FAM107A: variants seen among roughly 807,000 people sequenced by gnomAD.
FAM107A encodes actin-associated protein FAM107A.
In FAM107A, 19 loss-of-function variants were observed where a neutral mutation model predicts 13.7. The ratio of observed to expected loss-of-function variants is 1.38; its 90% CI spans 0.97 to 2.03. The LOEUF (loss-of-function observed/expected upper bound fraction) is 2.03, where lower values mean the gene tolerates loss of function less well. Among genes scored for constraint, FAM107A ranks in the 30% most tolerant of loss-of-function variants. The pLI is 0.00. For missense variants in FAM107A, 203 were observed against 184.4 expected (o/e 1.10, Z -0.58); for synonymous variants, 82 against 74.5 (o/e 1.10, Z -0.52).
intron 1 of FAM107A, among the ~76,000 whole-genome samples, chr3:58,625,680 G>A (rs556316618): frequency 1.3e-5 from 2 of 152,268 alleles, no homozygotes; most frequent in South Asian, 4.1e-4. Flanking sequence ...TACTCCCTTT[G>A]CCTCTTCCTC....
upstream of FAM107A, chr3:58,577,797 G>C (rs2063743088): frequency 1.1e-6 from 1 of 909,202 alleles, no homozygotes; most frequent in Non-Finnish European, 1.3e-6. The surrounding 1 kb of genome is among the most constrained non-coding windows in gnomAD (Gnocchi z 4.9). Context: ...AATGGCTCTG[G>C]GGGGAAAAGG....
intron 1 of FAM107A, chr3:58,627,123 C>T (rs1331744618): frequency 2.3e-6 from 2 of 884,238 alleles, no homozygotes; most frequent in Non-Finnish European, 3.5e-6. Flanking sequence ...TCTTGCGGCT[C>T]ATTCTCCCAG....
chr3:58,610,061 G>A (rs1483167030), intron 1 of FAM107A, among the ~76,000 whole-genome samples: 1 of 152,186 alleles, frequency 6.6e-6, no homozygotes, highest in Non-Finnish European at 1.5e-5. Flanking sequence ...TCTGGAGACT[G>A]ATTTGTAATG....
chr3:58,574,074 C>A (rs910624907), intron 1 of FAM107A: 3 of 152,204 alleles, frequency 2.0e-5, no homozygotes, highest in African/African-American at 7.2e-5. Context: ...TGGTTGGGTA[C>A]CTCACAGCAA....
chr3:58,567,030 G>A (rs1005808876), intron 3 of FAM107A, 178 bp downstream of exon 3: 29 of 721,362 alleles, frequency 4.0e-5, no homozygotes, highest in Non-Finnish European at 6.5e-5. Flanking sequence ...GAAGCCACTC[G>A]CCCTAAGGAC....
At chr3:58,615,280 G>A in intron 1 of FAM107A, among the ~76,000 whole-genome samples, 1 of 151,890 alleles carries the variant, frequency 6.6e-6, no homozygotes, top group East Asian at 1.9e-4. Flanking sequence ...ACATTCTTTG[G>A]ATTGTTTCTG....
In FAM107A at chr3:58,584,082, C is replaced by G. The variant is rs182930976; in HGVS notation, c.79+2776G>C. The stretch of plus-strand genomic sequence containing the variant: ...CATGGCCAAATTGGCTCCTTACTCC[C>G]ATTCTCACTTCCTGCCGCTCCCTGT... On this transcript the variant is annotated intron_variant, in intron 1 of 3. Transcript: ENST00000447756. 3.4e-3 allele frequency among the ~76,000 whole-genome samples: 512 copies of G among 152,298 alleles called. 6 individuals carry two copies. Among genetic ancestry groups the G allele is most frequent in the African/African-American group, 0.012 (484 of 41,560 alleles).
chr3:58,582,204 A>G (rs1335971324), upstream of FAM107A, among the ~76,000 whole-genome samples: 3 of 152,240 alleles, frequency 2.0e-5, no homozygotes, highest in African/African-American at 7.2e-5. Context: ...TTTTTAGTAT[A>G]GTCCATGACA....
At chr3:58,578,785 C>G (rs1355479511), upstream of FAM107A, among the ~76,000 whole-genome samples, 1 of 152,168 alleles carries the variant, frequency 6.6e-6, no homozygotes, top group Non-Finnish European at 1.5e-5. Flanking sequence ...GGCCTCCACC[C>G]CAACTTTACT....
rs1478633796 is a variant in FAM107A at position 58,625,516 on chromosome 3, T to G, written c.-70+1900A>C. On this transcript the variant is annotated intron_variant, in intron 1 of 3. Coordinates refer to the FAM107A transcript ENST00000465970. ...GAGGGCTGAAAACTCCACCCTCAGA[T>G]CACACTAAGGCCAACATTTTTTTGT... Among the ~76,000 whole-genome samples, 4 of 152,200 alleles carry G rather than the reference T, an allele frequency of 2.6e-5. No homozygotes were observed. The East Asian group carries it at 7.7e-4, about 29-fold the overall frequency.
intron 1 of FAM107A, among the ~76,000 whole-genome samples, chr3:58,599,432 G>C (rs543827151): frequency 6.6e-6 from 1 of 152,298 alleles, no homozygotes; most frequent in East Asian, 1.9e-4. Flanking sequence ...TTCCATACTT[G>C]CCATCCGTGC....
intron 1 of FAM107A, among the ~76,000 whole-genome samples, chr3:58,593,010 A>G (rs1232563216): frequency 6.6e-6 from 1 of 152,142 alleles, no homozygotes; most frequent in Non-Finnish European, 1.5e-5. Context: ...TCAGTTCTTA[A>G]GAATCTGACC....
chr3:58,606,059 T>A (rs2065791876), intron 1 of FAM107A, among the ~76,000 whole-genome samples: 1 of 152,200 alleles, frequency 6.6e-6, no homozygotes, highest in Non-Finnish European at 1.5e-5. Flanking sequence ...GTCTGGGAGG[T>A]CATTGCTCTT....
At chr3:58,602,589 T>A (rs1442168815) in intron 1 of FAM107A, among the ~76,000 whole-genome samples, 1 of 152,220 alleles carries the variant, frequency 6.6e-6, no homozygotes, top group Non-Finnish European at 1.5e-5. Flanking sequence ...TAAATTGTAC[T>A]ATTTCTATAC....
chr3:58,596,034 A>G (rs912076384), intron 1 of FAM107A, among the ~76,000 whole-genome samples: 1 of 152,250 alleles, frequency 6.6e-6, no homozygotes, highest in African/African-American at 2.4e-5. Flanking sequence ...CAGAGGAAAT[A>G]CTATTGTGTA....
chr3:58,622,451 C>G (rs982803371), intron 1 of FAM107A, among the ~76,000 whole-genome samples: 3 of 60,556 alleles, frequency 5.0e-5, no homozygotes, highest in Non-Finnish European at 1.3e-4. Flanking sequence ...ACCCCTATGC[C>G]CCCCCCAAAA....
chr3:58,591,225 G>A (rs948374400), upstream of FAM107A, among the ~76,000 whole-genome samples: 2 of 152,140 alleles, frequency 1.3e-5, no homozygotes, highest in Admixed American at 6.5e-5. This position sits in a 1 kb window ranked among gnomAD's most constrained non-coding sequence, Gnocchi z 4.3. Flanking sequence ...AGGGAAAGGG[G>A]GTGGCTGGTG....
rs143746738 is a variant in FAM107A at position 58,570,747 on chromosome 3, G to C, written c.-5-882C>G. Among the ~76,000 whole-genome samples, 742 of 152,302 alleles carry C rather than the reference G, an allele frequency of 4.9e-3. 5 individuals are homozygous for C. The highest frequency in any genetic ancestry group is 0.017 in the African/African-American group (700 of 41,558). On this transcript the variant is annotated intron_variant, in intron 1 of 3. Transcript: ENST00000360997. Reference sequence around the variant, plus strand: ...TAGACTTTAGCTCTGCTCTCTTCATGAGTCTAGCTTTGCAGAGGTTGAGCT... The same window carrying C: ...TAGACTTTAGCTCTGCTCTCTTCATCAGTCTAGCTTTGCAGAGGTTGAGCT...
At chr3:58,581,436 TAGA>T (rs2065541233), upstream of FAM107A, among the ~76,000 whole-genome samples, 1 of 152,210 alleles carries the variant, frequency 6.6e-6, no homozygotes, top group Admixed American at 6.5e-5. Context: ...CATGGGCGCC[TAGA>T]ACAGCTTATC....
Sources: allele counts gnomAD v4.1 joint callset (sites outside exome capture counted in the v4.1 genomes callset), GRCh38; gene constraint gnomAD v4.1.1; non-coding constraint Gnocchi (gnomAD v3.1); transcripts MANE v1.5; gene names NCBI Gene and HGNC (gene_info 2026-07-23, HGNC 2026-07-21).